Variants in PLA2G4C observed in about 807,000 individuals in gnomAD.
PLA2G4C encodes the protein cytosolic phospholipase A2 gamma.
In PLA2G4C, 64 loss-of-function variants were observed where a neutral mutation model predicts 73.8. The ratio of observed to expected loss-of-function variants is 0.87; its 90% confidence interval spans 0.71 to 1.07. The LOEUF (loss-of-function observed/expected upper bound fraction) is 1.07, where lower values mean the gene tolerates loss of function less well. Ranked by LOEUF, PLA2G4C falls within the 50% of genes least tolerant of loss-of-function variation. The probability of loss-of-function intolerance (pLI) is 0.00; values close to 1 mark genes in which losing one functional copy is unlikely to be tolerated. For missense variants in PLA2G4C, 622 were observed against 665.4 expected (o/e 0.93, Z 0.72); for synonymous variants, 254 against 252.1 (o/e 1.01, Z -0.07).
At chr19:48,105,271 G>A in intron 3 of PLA2G4C, 62 bp downstream of exon 3, 2 of 1,113,782 alleles carry the variant, frequency 1.8e-6, no homozygotes, top group Non-Finnish European at 2.7e-6. Context: ...TTGGGCCCTG[G>A]ACACTGGGCA....
intron 9 of PLA2G4C, among the ~76,000 whole-genome samples, chr19:48,088,253 A>T (rs1235002806): frequency 1.3e-5 from 2 of 152,198 alleles, no homozygotes; most frequent in African/African-American, 4.8e-5. Flanking sequence ...TGAGAAAGCC[A>T]TCACACGAAG....
intron 10 of PLA2G4C, among the ~76,000 whole-genome samples, chr19:48,083,392 C>CTTTTTTTTTTTTTTTTTTTTTTTTCTTT: frequency 1.9e-5 from 2 of 105,838 alleles, no homozygotes; most frequent in Non-Finnish European, 3.8e-5. Flanking sequence ...ATTTTCTTTT[C>CTTTTTTTTTTTTTTTTTTTTTTTTCTTT]TTTTTTTTTT....
At chr19:48,069,794 T>G (rs1968588128) in intron 12 of PLA2G4C, among the ~76,000 whole-genome samples, 1 of 152,032 alleles carries the variant, frequency 6.6e-6, no homozygotes. Flanking sequence ...TGAGACAGTC[T>G]TGCTCTGTCA....
At position 48,084,652 on chromosome 19, in the gene PLA2G4C, A is replaced by C. The variant is rs367822261; in HGVS notation, c.844+407T>G. Among the ~76,000 whole-genome samples the C allele has an allele frequency of 1.9e-3, 291 of 152,330 alleles. 1 individual carries two copies. Among genetic ancestry groups the C allele is most frequent in the African/African-American group, 5.2e-3 (217 of 41,578 alleles). On this transcript the variant is annotated intron_variant, in intron 10 of 16. Transcript: ENST00000599921. Reference sequence around the variant, plus strand: ...TGCGATTACGGGTGTCAGCCACTGCATCCAGCCAGATTGCTAATGTTTACT... The same window carrying C: ...TGCGATTACGGGTGTCAGCCACTGCCTCCAGCCAGATTGCTAATGTTTACT...
In PLA2G4C at chr19:48,110,623, A is replaced by G; in HGVS notation, c.-169T>C. The G allele has an allele frequency of 1.4e-6, 1 of 693,816 alleles. No individual in the cohort carries two copies. Among genetic ancestry groups the G allele is most frequent in the Non-Finnish European group, 1.9e-6 (1 of 519,468 alleles). The allele number at this position is 693,816 out of a possible 1,614,324, so 43.0% of individuals were successfully genotyped here. ...TCAGCCGGAATCTCCGCGGGTGAAG[A>G]CTGCGGGGATCCTCGGTGCCAAAGC... On this transcript the variant is annotated 5_prime_UTR_variant, in exon 1 of 17. Transcript: ENST00000599921.
chr19:48,109,337 T>A (rs1447471025), intron 1 of PLA2G4C, among the ~76,000 whole-genome samples: 1 of 152,042 alleles, frequency 6.6e-6, no homozygotes, highest in East Asian at 1.9e-4. Flanking sequence ...AGTGGTGTGA[T>A]CGTGGCTCAC....
intron 16 of PLA2G4C, among the ~76,000 whole-genome samples, chr19:48,052,667 C>A (rs1967769950): frequency 6.6e-6 from 1 of 152,192 alleles, no homozygotes; most frequent in South Asian, 2.1e-4. Flanking sequence ...CCTCACAGAT[C>A]CCAGAAGGAA....
At chr19:48,065,843 C>A (rs1193105297) in intron 13 of PLA2G4C, among the ~76,000 whole-genome samples, 1 of 152,002 alleles carries the variant, frequency 6.6e-6, no homozygotes, top group Non-Finnish European at 1.5e-5. Context: ...CGCCTGTAAT[C>A]CCAACACTTT....
intron 14 of PLA2G4C, among the ~76,000 whole-genome samples, chr19:48,058,036 C>T (rs1267183410): frequency 1.3e-5 from 2 of 151,398 alleles, no homozygotes; most frequent in African/African-American, 4.8e-5. Flanking sequence ...TGGTGGCTCA[C>T]GCCTGTAATC....
At chr19:48,074,191 G>A (rs1411248647) in intron 12 of PLA2G4C, among the ~76,000 whole-genome samples, 1 of 151,512 alleles carries the variant, frequency 6.6e-6, no homozygotes, top group African/African-American at 2.4e-5. Context: ...GCGTCCATGT[G>A]TTCTCATCAT....
chr19:48,089,727 G>C (rs1568444250), intron 8 of PLA2G4C, among the ~76,000 whole-genome samples: 1 of 152,188 alleles, frequency 6.6e-6, no homozygotes, highest in South Asian at 2.1e-4. Flanking sequence ...AGAGTGAGCA[G>C]TGCAGGAGAA....
At chr19:48,087,189 T>C (rs2031027580) in intron 9 of PLA2G4C, among the ~76,000 whole-genome samples, 3 of 152,222 alleles carry the variant, frequency 2.0e-5, no homozygotes, top group Admixed American at 1.3e-4. Context: ...CAGATCTTTC[T>C]GCTGGTGGGA....
At chr19:48,083,779 G>A (rs1053046327) in intron 10 of PLA2G4C, among the ~76,000 whole-genome samples, 1 of 151,712 alleles carries the variant, frequency 6.6e-6, no homozygotes, top group Non-Finnish European at 1.5e-5. Context: ...TTTTTTCACA[G>A]AGAATTTAAG....
intron 14 of PLA2G4C, among the ~76,000 whole-genome samples, chr19:48,056,390 A>C (rs1967942128): frequency 6.6e-6 from 1 of 152,110 alleles, no homozygotes; most frequent in South Asian, 2.1e-4. Context: ...TCTACTAAAA[A>C]TACAAAAATT....
At chr19:48,077,630 T>C in intron 11 of PLA2G4C, 141 bp downstream of exon 11, 1 of 575,948 alleles carries the variant, frequency 1.7e-6, no homozygotes, top group Non-Finnish European at 3.0e-6. Flanking sequence ...CTCAGGCACC[T>C]GGGAGAGTCC....
intron 12 of PLA2G4C, among the ~76,000 whole-genome samples, chr19:48,073,874 C>T (rs140565637): frequency 2.0e-5 from 3 of 152,168 alleles, no homozygotes; most frequent in African/African-American, 4.8e-5. Flanking sequence ...AAGAGGATGA[C>T]GCTAAGCCAT....
chr19:48,066,482 T>C (rs543903693), intron 13 of PLA2G4C, among the ~76,000 whole-genome samples: 15 of 151,864 alleles, frequency 9.9e-5, no homozygotes, highest in Admixed American at 9.8e-4. Context: ...GTGTGCCTTG[T>C]AGGAAGCACC....
At chr19:48,065,587 C>T (rs757590206) in intron 13 of PLA2G4C, among the ~76,000 whole-genome samples, 23 of 149,852 alleles carry the variant, frequency 1.5e-4, no homozygotes, top group Non-Finnish European at 2.4e-4. Context: ...GAGACTCCAT[C>T]GCAAAATAAA....
intron 12 of PLA2G4C, 58 bp from the exon 13 acceptor site, chr19:48,067,944 C>T: frequency 8.4e-7 from 1 of 1,196,798 alleles, no homozygotes; most frequent in Non-Finnish European, 1.3e-6. Context: ...GGTTTCTGCC[C>T]CCACCAAAGT....
Sources: allele counts gnomAD v4.1 joint callset (sites outside exome capture counted in the v4.1 genomes callset), GRCh38; gene constraint gnomAD v4.1.1; transcripts MANE v1.5; gene names NCBI Gene and HGNC (gene_info 2026-07-23, HGNC 2026-07-21).